Variants in RUNDC3B observed in about 807,000 individuals in gnomAD.
RUNDC3B encodes the protein RUN domain-containing protein 3B.
RUNDC3B carries 33 observed loss-of-function variants against 58.4 expected under a neutral mutation model. The observed-to-expected ratio is 0.56, with a 90% CI of 0.43 to 0.75. RUNDC3B has a LOEUF of 0.75. Ranked by LOEUF, RUNDC3B falls within the 30% of genes least tolerant of loss-of-function variation. The probability of loss-of-function intolerance (pLI) is 0.00; values close to 1 mark genes in which losing one functional copy is unlikely to be tolerated. For missense variants in RUNDC3B, 501 were observed against 535.7 expected (o/e 0.94, Z 0.64); for synonymous variants, 193 against 195.2 (o/e 0.99, Z 0.10).
At chr7:87,696,639 T>TTAAG (rs1195058975) in intron 2 of RUNDC3B, among the ~76,000 whole-genome samples, 3 of 152,108 alleles carry the variant, frequency 2.0e-5, no homozygotes, top group Non-Finnish European at 4.4e-5. Context: ...GTGTCTTGAA[T>TTAAG]TAAGAGCTTC....
chr7:87,712,732 G>T (rs1830198761), intron 4 of RUNDC3B, among the ~76,000 whole-genome samples: 1 of 151,942 alleles, frequency 6.6e-6, no homozygotes, highest in Non-Finnish European at 1.5e-5. Context: ...CTCTAAAAAA[G>T]TACATGAAGT....
chr7:87,717,853 G>A (rs1226032896), intron 4 of RUNDC3B, among the ~76,000 whole-genome samples: 3 of 152,016 alleles, frequency 2.0e-5, no homozygotes, highest in South Asian at 2.1e-4. Flanking sequence ...TGTAAAGTAA[G>A]TATGACATTT....
chr7:87,694,185 C>G (rs1285418988), intron 2 of RUNDC3B: 1 of 328,376 alleles, frequency 3.0e-6, no homozygotes, highest in Non-Finnish European at 4.4e-6. Context: ...ATATAATAAC[C>G]TATTTACTTT....
intron 7 of RUNDC3B, among the ~76,000 whole-genome samples, chr7:87,777,022 A>G (rs937712778): frequency 1.3e-5 from 2 of 152,156 alleles, no homozygotes; most frequent in Non-Finnish European, 2.9e-5. Flanking sequence ...GATTTCCTGA[A>G]TTCAGAAATT....
chr7:87,769,520 C>A (rs1342239968), intron 6 of RUNDC3B, among the ~76,000 whole-genome samples: 1 of 152,046 alleles, frequency 6.6e-6, no homozygotes, highest in Non-Finnish European at 1.5e-5. Context: ...TCTTTGAATA[C>A]TCTCAAGGTA....
chr7:87,754,155 T>C (rs560114293), intron 6 of RUNDC3B, among the ~76,000 whole-genome samples: 1 of 152,246 alleles, frequency 6.6e-6, no homozygotes, highest in South Asian at 2.1e-4. Flanking sequence ...CATCGCCACA[T>C]GGCACATACT....
At chr7:87,648,866 G>C (rs1230214971) in intron 1 of RUNDC3B, among the ~76,000 whole-genome samples, 1 of 151,874 alleles carries the variant, frequency 6.6e-6, no homozygotes, top group Non-Finnish European at 1.5e-5. Context: ...AGTGAGGACT[G>C]CCTATATTTA....
chr7:87,663,787 A>G (rs1824951877), intron 2 of RUNDC3B, among the ~76,000 whole-genome samples: 1 of 152,122 alleles, frequency 6.6e-6, no homozygotes, highest in African/African-American at 2.4e-5. Context: ...GAGAAGTCCA[A>G]GATCAAGATA....
At chr7:87,712,742 T>A (rs1432821979) in intron 4 of RUNDC3B, among the ~76,000 whole-genome samples, 1 of 152,032 alleles carries the variant, frequency 6.6e-6, no homozygotes, top group Non-Finnish European at 1.5e-5. Context: ...GTACATGAAG[T>A]AAAAATATTC....
chr7:87,640,455 A>C (rs1411228324), intron 1 of RUNDC3B, among the ~76,000 whole-genome samples: 1 of 151,838 alleles, frequency 6.6e-6, no homozygotes, highest in Non-Finnish European at 1.5e-5. Context: ...GGTTCCAGTG[A>C]TCCTCAGCCT....
chr7:87,726,401 T>C (rs1175859317), intron 4 of RUNDC3B, among the ~76,000 whole-genome samples: 1 of 152,216 alleles, frequency 6.6e-6, no homozygotes, highest in Non-Finnish European at 1.5e-5. Context: ...CAGATGGTTG[T>C]AGATATGCGG....
intron 5 of RUNDC3B, among the ~76,000 whole-genome samples, chr7:87,741,010 G>T (rs1159700987): frequency 2.6e-5 from 4 of 152,036 alleles, no homozygotes; most frequent in African/African-American, 9.7e-5. Flanking sequence ...TTCAAGACCA[G>T]CCTGGCCAAC....
intron 1 of RUNDC3B, among the ~76,000 whole-genome samples, chr7:87,639,458 T>G (rs1822207838): frequency 6.6e-6 from 1 of 152,210 alleles, no homozygotes; most frequent in Admixed American, 6.5e-5. Context: ...ACTTGTTTTT[T>G]GTATACTCTT....
chr7:87,785,943 T>TC (rs1271679895), intron 8 of RUNDC3B, among the ~76,000 whole-genome samples: 2 of 152,138 alleles, frequency 1.3e-5, no homozygotes, highest in East Asian at 3.9e-4. Flanking sequence ...GTTCCTTCAC[T>TC]CCCCCCTTGC....
intron 6 of RUNDC3B, among the ~76,000 whole-genome samples, chr7:87,749,048 T>G (rs1832811509): frequency 6.6e-6 from 1 of 152,182 alleles, no homozygotes; most frequent in Non-Finnish European, 1.5e-5. Flanking sequence ...TTGTCCTTAG[T>G]CACACAACTA....
intron 2 of RUNDC3B, among the ~76,000 whole-genome samples, chr7:87,652,621 G>GAGATATATATATATATATATAT (rs374832268): frequency 2.9e-4 from 36 of 125,380 alleles, no homozygotes; most frequent in African/African-American, 1.2e-3. Flanking sequence ...TGTGGTCACT[G>GAGATATATATATATATATATAT]ATATATATAT....
At chr7:87,648,736 A>C (rs938810279) in intron 1 of RUNDC3B, among the ~76,000 whole-genome samples, 1 of 152,090 alleles carries the variant, frequency 6.6e-6, no homozygotes, top group African/African-American at 2.4e-5. Flanking sequence ...AAAGTTTTTA[A>C]TGTTTTGACA....
chr7:87,736,897 T>A (rs1455850581), intron 4 of RUNDC3B, among the ~76,000 whole-genome samples: 13 of 101,852 alleles, frequency 1.3e-4, no homozygotes, highest in South Asian at 3.4e-4. Context: ...ATATTTTTTT[T>A]TTTTTTTTTT....
rs544593321 is a variant in RUNDC3B at position 87,794,313 on chromosome 7, T to C, written c.957-13060T>C. On this transcript the variant is annotated intron_variant, in intron 8 of 10. Coordinates refer to ENST00000394654, the MANE Select transcript of RUNDC3B (RefSeq NM_001134405.2). ...AGCTGGGTGTGGTGGCACATGCCTG[T>C]AGTCCTAGCTATTCAGGAGGCTGAA... 5.9e-5 allele frequency among the ~76,000 whole-genome samples: 9 copies of C among 152,286 alleles called. No individual in the cohort carries two copies. The East Asian group carries it at 1.7e-3, about 29-fold the overall frequency.
Sources: gnomAD v4.1 joint callset for allele counts (sites outside exome capture counted in the v4.1 genomes callset) on GRCh38, gnomAD v4.1.1 for gene constraint, MANE v1.5 for transcripts, NCBI Gene and HGNC (gene_info 2026-07-23, HGNC 2026-07-21) for gene names.